Variants in ZNF813 observed in about 807,000 individuals in gnomAD.
The protein encoded by ZNF813 is zinc finger protein 813.
ZNF813 carries 3 observed loss-of-function variants against 7.2 expected under a neutral mutation model. The observed-to-expected ratio is 0.42, with a 90% CI of 0.19 to 1.08. ZNF813 has a LOEUF of 1.08. Ranked by LOEUF, ZNF813 falls within the 50% of genes least tolerant of loss-of-function variation. The pLI is 0.30. For missense variants in ZNF813, 714 were observed against 753.3 expected (o/e 0.95, Z 0.61); for synonymous variants, 227 against 256.3 (o/e 0.89, Z 1.09).
In ZNF813 at chr19:53,492,061, A is replaced by G. The variant is rs2086466724; in HGVS notation, c.1829A>G (p.Asn610Ser). ...ACTGGAGAGAAACCTTACAAGTTTAATGAGTGTGGCAAAGCTTTTAATTGA... is the reference window on the plus strand; with the variant it reads ...ACTGGAGAGAAACCTTACAAGTTTAGTGAGTGTGGCAAAGCTTTTAATTGA... Reference protein sequence around the residue: ...LHTGEKPYKFNECGKAFN With the variant: ...LHTGEKPYKFSECGKAFN Residue 610 changes from asparagine to serine, a missense_variant, in exon 4 of 4, where the codon AAT becomes AGT. Asn to Ser is a conservative substitution (Grantham distance 46). Transcript: ENST00000396403. 2.5e-6 allele frequency: 4 copies of G among 1,613,680 alleles called. No homozygotes were observed. Among genetic ancestry groups the G allele is most frequent in the Non-Finnish European group, 3.4e-6 (4 of 1,179,782 alleles).
chr19:53,468,111 A>G (rs563522846), intron 1 of ZNF813, among the ~76,000 whole-genome samples: 114 of 151,464 alleles, frequency 7.5e-4, no homozygotes, highest in Non-Finnish European at 1.6e-3. Flanking sequence ...ATTCTCGCCC[A>G]CTTCGGCCGG....
At chr19:53,472,412 A>G (rs376646310) in intron 1 of ZNF813, among the ~76,000 whole-genome samples, 1 of 152,108 alleles carries the variant, frequency 6.6e-6, no homozygotes. Flanking sequence ...CTGCTGCTGG[A>G]CAAGCATCAA....
chr19:53,492,455 C>T lies in ZNF813; in HGVS notation c.*369C>T. ...AAAATAAATCATACTGCAGAGAAAC[C>T]ATAAAATTGTAAGAGTTCGTGACAA... is the stretch of plus-strand genomic sequence containing the variant. On this transcript the variant is annotated 3_prime_UTR_variant, in exon 4 of 4. Coordinates refer to ENST00000396403, the MANE Select transcript of ZNF813 (RefSeq NM_001004301.4). 1 of 423,706 alleles carries T rather than the reference C, an allele frequency of 2.4e-6. No homozygotes were observed. The highest frequency in any genetic ancestry group is 5.8e-5 in the East Asian group (1 of 17,172). 26.2% of individuals were successfully genotyped at this position (423,706 alleles called of 1,614,324 possible).
rs66842546 is a variant in ZNF813, at chr19:53,481,344, C to CTTTTTTTTTTTTTTT, written c.-73-2401_-73-2387dup. On this transcript the variant is annotated intron_variant, in intron 1 of 3. Coordinates refer to ENST00000396403, the MANE Select transcript of ZNF813 (RefSeq NM_001004301.4). ...GCTATTCTAAAAGCACCCATGTATT[C>CTTTTTTTTTTTTTTT]TTTTTTTTTTTTTTTTTTTGAGATG... Among the ~76,000 whole-genome samples the CTTTTTTTTTTTTTTT allele has an allele frequency of 9.2e-4, 98 of 106,360 alleles. 8 individuals are homozygous for CTTTTTTTTTTTTTTT. The highest frequency in any genetic ancestry group is 3.2e-3 in the African/African-American group (78 of 24,656). 69.8% of individuals were successfully genotyped at this position (106,360 alleles called of 152,430 possible).
At chr19:53,483,939 A>G (rs2086421195) in intron 2 of ZNF813, 102 bp downstream of exon 2, 2 of 1,602,052 alleles carry the variant, frequency 1.2e-6, no homozygotes, top group African/African-American at 2.7e-5. Flanking sequence ...CCTGCCTGAC[A>G]GGTTTGCTCA....
intron 1 of ZNF813, among the ~76,000 whole-genome samples, chr19:53,481,844 C>A (rs968276799): frequency 6.6e-6 from 1 of 152,118 alleles, no homozygotes; most frequent in Non-Finnish European, 1.5e-5. Context: ...TTCTTTAGCC[C>A]AGGCATATGA....
chr19:53,487,444 C>T (rs1452519811), intron 3 of ZNF813, among the ~76,000 whole-genome samples: 1 of 151,990 alleles, frequency 6.6e-6, no homozygotes, highest in Non-Finnish European at 1.5e-5. Context: ...CTCACTCTGT[C>T]GCCAAGGCTA....
rs2086468682 is a variant in ZNF813, at chr19:53,492,464, G to A, written c.*378G>A. On this transcript the variant is annotated 3_prime_UTR_variant, in exon 4 of 4. Coordinates refer to ENST00000396403, the MANE Select transcript of ZNF813 (RefSeq NM_001004301.4). ...CATACTGCAGAGAAACCATAAAATTGTAAGAGTTCGTGACAAGGCTTTCGG... is the reference window on the plus strand; with the variant it reads ...CATACTGCAGAGAAACCATAAAATTATAAGAGTTCGTGACAAGGCTTTCGG... 2.4e-6 allele frequency: 1 copy of A among 417,068 alleles called. No homozygotes were observed. The highest frequency in any genetic ancestry group is 4.7e-6 in the Non-Finnish European group (1 of 212,858). 25.8% of individuals were successfully genotyped at this position (417,068 alleles called of 1,614,324 possible).
Position 53,486,185 on chromosome 19 carries a change from C to T in ZNF813, c.16-447C>T, listed in dbSNP as rs1413666980. 6.6e-5 allele frequency among the ~76,000 whole-genome samples: 10 copies of T among 152,204 alleles called. No individual in the cohort carries two copies. The East Asian group carries it at 1.2e-3, about 18-fold the overall frequency. On this transcript the variant is annotated intron_variant, in intron 2 of 3. Transcript: ENST00000396403. ...TCAATAAAAGTTTCTGGGCCGGGCG[C>T]GGTGGATCACGCATGTAATTCCAGC...
intron 2 of ZNF813, among the ~76,000 whole-genome samples, 186 bp from the exon 3 acceptor site, chr19:53,486,446 C>T (rs1177916518): frequency 7.5e-6 from 1 of 133,694 alleles, no homozygotes; most frequent in African/African-American, 2.8e-5. Context: ...GACTCCACCT[C>T]AAAAAAAAAA....
chr19:53,490,765 A>G lies in ZNF813; in HGVS notation c.533A>G (p.Gln178Arg). 1 of 1,614,226 alleles carries G rather than the reference A, an allele frequency of 6.2e-7. No individual in the cohort carries two copies. The highest frequency in any genetic ancestry group is 1.1e-5 in the South Asian group (1 of 91,082). The change falls in exon 4 of 4, where the codon CAA becomes CGA. Residue 178 changes from glutamine to arginine, a missense_variant. This residue lies in a region of ZNF813 where 563 missense variants were observed against 554.2 expected (regional missense o/e 1.02). Coordinates refer to ENST00000396403, the MANE Select transcript of ZNF813 (RefSeq NM_001004301.4). ...GATGCTTCCTCAATTTCAACATCCC[A>G]AAGAATTTCTTGTAGGCCCAAAACC... ...INDASSISTS[Q>R]RISCRPKTHI...
At position 53,471,145 on chromosome 19, in the gene ZNF813, T is replaced by A. The variant is rs191623350; in HGVS notation, c.-74+3356T>A. Among the ~76,000 whole-genome samples the A allele has an allele frequency of 1.8e-3, 269 of 152,302 alleles. 1 individual carries two copies. The highest frequency in any genetic ancestry group is 6.2e-3 in the African/African-American group (258 of 41,572). ...TTCTTTAATTTTATTGTAGACAGGA[T>A]ACCTTCAAGTTTCTCCCTGTTGCAG... On this transcript the variant is annotated intron_variant, in intron 1 of 3. Coordinates refer to ENST00000396403, the MANE Select transcript of ZNF813 (RefSeq NM_001004301.4).
At chr19:53,475,924 T>G (rs1272880740) in intron 1 of ZNF813, among the ~76,000 whole-genome samples, 4 of 152,212 alleles carry the variant, frequency 2.6e-5, no homozygotes, top group Non-Finnish European at 5.9e-5. Flanking sequence ...GATTAGGTTT[T>G]CAAAGGAGGG....
chr19:53,489,582 G>A (rs2086449548), intron 3 of ZNF813, among the ~76,000 whole-genome samples: 1 of 151,998 alleles, frequency 6.6e-6, no homozygotes, highest in South Asian at 2.1e-4. Flanking sequence ...AGCCTGTTGT[G>A]ACAAAGTGAA....
In ZNF813 at chr19:53,494,218, A is replaced by G. The variant is rs2086476668; in HGVS notation, c.*2132A>G. On this transcript the variant is annotated 3_prime_UTR_variant, in exon 4 of 4. Transcript: ENST00000396403. ...CTTCAAGAAGTTCATGGAAAAATAC[A>G]TATTTTGCATATTATGAGAAAATTG... The G allele has an allele frequency of 6.6e-6, 1 of 152,234 alleles. No individual in the cohort carries two copies. Among genetic ancestry groups the G allele is most frequent in the Non-Finnish European group, 1.5e-5 (1 of 68,042 alleles). 9.4% of individuals were successfully genotyped at this position (152,234 alleles called of 1,614,324 possible).
intron 1 of ZNF813, among the ~76,000 whole-genome samples, chr19:53,481,344 C>CCTTTTTTTTTTTTT (rs2086407452): frequency 1.9e-5 from 2 of 106,400 alleles, no homozygotes; most frequent in African/African-American, 8.1e-5. Context: ...CCCATGTATT[C>CCTTTTTTTTTTTTT]TTTTTTTTTT....
Position 53,468,651 on chromosome 19 carries a change from G to A in ZNF813, c.-74+862G>A, listed in dbSNP as rs553587474. ...AAAGGTACTGTGCCCAGATGTGCAC[G>A]TAGGCTAGATTTATGTTTCTCTTCA... On this transcript the variant is annotated intron_variant, in intron 1 of 3. Transcript: ENST00000396403. 2.0e-5 allele frequency among the ~76,000 whole-genome samples: 3 copies of A among 152,262 alleles called. No individual in the cohort carries two copies. The East Asian group carries it at 5.8e-4, about 29-fold the overall frequency.
At position 53,492,627 on chromosome 19, in the gene ZNF813, T is replaced by C; in HGVS notation, c.*541T>C. 1 of 738,834 alleles carries C rather than the reference T, an allele frequency of 1.4e-6. No homozygotes were observed. The allele number at this position is 738,834 out of a possible 1,614,324, so 45.8% of individuals were successfully genotyped here. On this transcript the variant is annotated 3_prime_UTR_variant, in exon 4 of 4. Coordinates refer to ENST00000396403, the MANE Select transcript of ZNF813 (RefSeq NM_001004301.4). Reference sequence around the variant, plus strand: ...CAATCCATGGTGAAGGAAACTTGACTAATGTAATGATTGTCACCAAGTCTT... The same window carrying C: ...CAATCCATGGTGAAGGAAACTTGACCAATGTAATGATTGTCACCAAGTCTT...
chr19:53,468,227 C>CT (rs1242411211), intron 1 of ZNF813, among the ~76,000 whole-genome samples: 8 of 125,568 alleles, frequency 6.4e-5, no homozygotes, highest in Non-Finnish European at 5.4e-5. Flanking sequence ...GCGCCCCCCC[C>CT]CCCCCACCTC....
Sources: gnomAD v4.1 joint callset for allele counts (sites outside exome capture counted in the v4.1 genomes callset) on GRCh38, gnomAD v4.1.1 for gene constraint, gnomAD v4.1.1 regional missense constraint, MANE v1.5 for transcripts, NCBI Gene and HGNC (gene_info 2026-07-23, HGNC 2026-07-21) for gene names.